Variants in HMGCLL1 observed in about 807,000 individuals in gnomAD.
HMGCLL1 encodes the protein 3-hydroxymethyl-3-methylglutaryl-CoA lyase, cytoplasmic.
HMGCLL1 carries 36 observed loss-of-function variants against 39.1 expected under a neutral mutation model. The ratio of observed to expected loss-of-function variants is 0.92; its 90% CI spans 0.71 to 1.22. The LOEUF (loss-of-function observed/expected upper bound fraction) is 1.22, where lower values mean the gene tolerates loss of function less well. Ranked by LOEUF, HMGCLL1 falls within the 50% of genes most tolerant of loss-of-function variation. The pLI is 0.00. For synonymous variants in HMGCLL1, 149 were observed against 144.0 expected (o/e 1.03, Z -0.25); for missense variants, 451 against 416.5 (o/e 1.08, Z -0.72).
chr6:55,473,160 G>A (rs1270817102), intron 7 of HMGCLL1, among the ~76,000 whole-genome samples: 1 of 150,896 alleles, frequency 6.6e-6, no homozygotes, highest in African/African-American at 2.4e-5. Context: ...TGGATTTTTT[G>A]TAGATAACAA....
intron 7 of HMGCLL1, among the ~76,000 whole-genome samples, chr6:55,453,832 T>A (rs1202385625): frequency 6.6e-6 from 1 of 152,138 alleles, no homozygotes; most frequent in Non-Finnish European, 1.5e-5. Flanking sequence ...TCTAAATGAA[T>A]GAGGAATGAC....
At chr6:55,566,820 A>G (rs116556994) in intron 1 of HMGCLL1, among the ~76,000 whole-genome samples, 605 of 152,296 alleles carry the variant, frequency 4.0e-3, no homozygotes, top group Non-Finnish European at 6.2e-3. Context: ...TAGGCATTAT[A>G]GTCTAACATG....
At chr6:55,639,424 C>T in the HMGCLL1 span, among the ~76,000 whole-genome samples, 1 of 150,690 alleles carries the variant, frequency 6.6e-6, no homozygotes, top group African/African-American at 2.4e-5. Flanking sequence ...ACAGGAAATG[C>T]TTTCCAAACA....
the HMGCLL1 span, among the ~76,000 whole-genome samples, chr6:55,606,588 G>A: frequency 6.6e-6 from 1 of 151,914 alleles, no homozygotes; most frequent in East Asian, 1.9e-4. Flanking sequence ...AAATATTTAG[G>A]CAGATATTTT....
the HMGCLL1 span, among the ~76,000 whole-genome samples, chr6:55,589,224 T>G: frequency 6.6e-6 from 1 of 152,186 alleles, no homozygotes; most frequent in African/African-American, 2.4e-5. Context: ...GTGGGCTTCA[T>G]CCCTGGGATG....
At chr6:55,577,831 A>C (rs1395973868) in intron 1 of HMGCLL1, among the ~76,000 whole-genome samples, 1 of 152,214 alleles carries the variant, frequency 6.6e-6, no homozygotes, top group Non-Finnish European at 1.5e-5. Context: ...AACATGTGGG[A>C]AGATAAAGGA....
upstream of HMGCLL1, among the ~76,000 whole-genome samples, chr6:55,583,504 G>T (rs1444415234): frequency 2.0e-5 from 3 of 152,186 alleles, no homozygotes; most frequent in South Asian, 6.2e-4. Flanking sequence ...TTTCATCCAT[G>T]TCCCTACAAA....
the HMGCLL1 span, among the ~76,000 whole-genome samples, chr6:55,594,617 T>C: frequency 6.6e-6 from 1 of 152,180 alleles, no homozygotes; most frequent in African/African-American, 2.4e-5. Flanking sequence ...CTATTCCCCT[T>C]TCAAGTAGAG....
chr6:55,533,350 AAG>A (rs1324044917), intron 3 of HMGCLL1, among the ~76,000 whole-genome samples: 1 of 152,022 alleles, frequency 6.6e-6, no homozygotes, highest in Non-Finnish European at 1.5e-5. Flanking sequence ...TTCATTCAAT[AAG>A]AGATAAGTTT....
intron 7 of HMGCLL1, among the ~76,000 whole-genome samples, chr6:55,462,367 G>C (rs1023579507): frequency 6.6e-6 from 1 of 151,924 alleles, no homozygotes; most frequent in Non-Finnish European, 1.5e-5. Context: ...TCTTCAGTCC[G>C]TGGGTTTGTT....
intron 7 of HMGCLL1, among the ~76,000 whole-genome samples, chr6:55,460,248 A>G (rs868586477): frequency 6.6e-6 from 1 of 152,022 alleles, no homozygotes; most frequent in Middle Eastern, 3.2e-3. Context: ...TATGCATAAA[A>G]TGAAGTACCA....
the HMGCLL1 span, among the ~76,000 whole-genome samples, chr6:55,603,472 G>GTTA: frequency 6.6e-6 from 1 of 151,658 alleles, no homozygotes; most frequent in Non-Finnish European, 1.5e-5. Context: ...TCATTGCTCA[G>GTTA]GGAGAACAGT....
At chr6:55,657,250 G>A in the HMGCLL1 span, among the ~76,000 whole-genome samples, 1 of 151,882 alleles carries the variant, frequency 6.6e-6, no homozygotes, top group African/African-American at 2.4e-5. Flanking sequence ...GTTGCTTTTG[G>A]TGTTTTCATG....
chr6:55,458,883 G>A (rs563909727), intron 7 of HMGCLL1, among the ~76,000 whole-genome samples: 1 of 152,216 alleles, frequency 6.6e-6, no homozygotes, highest in African/African-American at 2.4e-5. Flanking sequence ...TATGCTATGG[G>A]CCAAGGCTGA....
At chr6:55,600,504 A>G in the HMGCLL1 span, among the ~76,000 whole-genome samples, 1 of 152,138 alleles carries the variant, frequency 6.6e-6, no homozygotes, top group Non-Finnish European at 1.5e-5. Flanking sequence ...AGATTTAATT[A>G]AATAATTTAA....
At chr6:55,542,646 G>A (rs976028485) in intron 1 of HMGCLL1, among the ~76,000 whole-genome samples, 19 of 151,510 alleles carry the variant, frequency 1.3e-4, no homozygotes, top group Admixed American at 9.9e-4. Context: ...GGGCATAGTG[G>A]TGGGTGCCTA....
At chr6:55,591,937 C>A in the HMGCLL1 span, among the ~76,000 whole-genome samples, 3 of 152,018 alleles carry the variant, frequency 2.0e-5, no homozygotes, top group Middle Eastern at 3.4e-3. Flanking sequence ...ACTAAATTTA[C>A]ACATGGAAAT....
intron 3 of HMGCLL1, among the ~76,000 whole-genome samples, chr6:55,533,581 T>C (rs1398691297): frequency 6.6e-6 from 1 of 152,078 alleles, no homozygotes; most frequent in African/African-American, 2.4e-5. Flanking sequence ...ATTCCAGACG[T>C]GTCATAGAAG....
chr6:55,640,964 A>G, the HMGCLL1 span, among the ~76,000 whole-genome samples: 1 of 151,922 alleles, frequency 6.6e-6, no homozygotes, highest in African/African-American at 2.4e-5. Flanking sequence ...AATAACTAAT[A>G]AATTCACATT....
Sources: gnomAD v4.1 joint callset for allele counts (sites outside exome capture counted in the v4.1 genomes callset) on GRCh38, gnomAD v4.1.1 for gene constraint, MANE v1.5 for transcripts, NCBI Gene and HGNC (gene_info 2026-07-23, HGNC 2026-07-21) for gene names.